The following MAGI2 variants were observed in gnomAD, a reference collection of about 807,000 sequenced individuals.
The protein encoded by MAGI2 is membrane associated guanylate kinase, WW and PDZ domain containing 2, also known as membrane-associated guanylate kinase, WW and PDZ domain-containing protein 2.
A neutral mutation model predicts 133.3 loss-of-function variants in MAGI2; 35 were observed. That is an observed-to-expected ratio of 0.26 (90% confidence interval 0.20 to 0.35). The LOEUF (loss-of-function observed/expected upper bound fraction) is 0.35, where lower values mean the gene tolerates loss of function less well. Ranked by LOEUF, MAGI2 falls within the 10% of genes least tolerant of loss-of-function variation. The pLI is 1.00. For synonymous variants in MAGI2, 729 were observed against 710.6 expected (o/e 1.03, Z -0.41); for missense variants, 1,636 against 1,863.4 (o/e 0.88, Z 2.25).
intron 6 of MAGI2, among the ~76,000 whole-genome samples, chr7:78,426,142 A>G (rs1374562346): frequency 6.6e-6 from 1 of 152,202 alleles, no homozygotes; most frequent in African/African-American, 2.4e-5. Context: ...AAGTTGTAAA[A>G]AGGAACAAAT....
intron 3 of MAGI2, among the ~76,000 whole-genome samples, chr7:78,558,361 G>A (rs1800040928): frequency 6.6e-6 from 1 of 152,140 alleles, no homozygotes; most frequent in Non-Finnish European, 1.5e-5. Context: ...AGAAAGGAAA[G>A]TAAGAGTTTT....
chr7:79,042,110 G>A (rs989715813), intron 1 of MAGI2, among the ~76,000 whole-genome samples: 4 of 152,232 alleles, frequency 2.6e-5, no homozygotes, highest in Non-Finnish European at 2.9e-5. Flanking sequence ...CAAAGGACTT[G>A]CATTCACAAT....
intron 2 of MAGI2, among the ~76,000 whole-genome samples, chr7:78,767,892 A>G (rs777287842): frequency 2.0e-4 from 30 of 152,204 alleles, no homozygotes; most frequent in Non-Finnish European, 3.7e-4. Context: ...GCTCTCATTA[A>G]GAACTCATCG....
chr7:78,276,462 T>A (rs1795065905), intron 9 of MAGI2, among the ~76,000 whole-genome samples: 1 of 151,514 alleles, frequency 6.6e-6, no homozygotes, highest in South Asian at 2.1e-4. Flanking sequence ...GGTGGAATTT[T>A]ATTTTTTTTT....
At chr7:78,930,267 G>C (rs1382130787) in intron 2 of MAGI2, among the ~76,000 whole-genome samples, 1 of 151,996 alleles carries the variant, frequency 6.6e-6, no homozygotes, top group Non-Finnish European at 1.5e-5. Context: ...CACTGAAAAG[G>C]GTTAAGATAT....
intron 2 of MAGI2, among the ~76,000 whole-genome samples, chr7:78,838,586 T>A (rs1791860399): frequency 6.6e-6 from 1 of 151,840 alleles, no homozygotes; most frequent in Admixed American, 6.6e-5. Context: ...ACTGTCAGAA[T>A]AATAGGAAAT....
At chr7:79,389,957 A>G (rs1308201605) in intron 1 of MAGI2, among the ~76,000 whole-genome samples, 1 of 152,182 alleles carries the variant, frequency 6.6e-6, no homozygotes, top group East Asian at 1.9e-4. Flanking sequence ...CCAATTATAT[A>G]TGGGTGCTTT....
At chr7:78,653,258 C>T (rs145302597) in intron 2 of MAGI2, among the ~76,000 whole-genome samples, 1,747 of 152,214 alleles carry the variant, frequency 0.011, 42 homozygotes, top group African/African-American at 0.04. Flanking sequence ...CCAGAAGTAC[C>T]ATTTGACCCA....
At chr7:78,407,741 C>T (rs1860535) in intron 6 of MAGI2, among the ~76,000 whole-genome samples, 104,329 of 151,562 alleles carry the variant, frequency 0.69, 36,755 homozygotes, top group African/African-American at 0.81. Context: ...TTGACAAAAA[C>T]ACAAGAAAAG....
At position 79,320,027 on chromosome 7, in the gene MAGI2, CCTT is replaced by C. The variant is rs1398011837; in HGVS notation, c.301+132990_301+132992del. The stretch of plus-strand genomic sequence containing the variant: ...AGTAACAGAATTGATTGGTGTTTTT[CCTT>C]CTTTGTGCTACTGAGGAAATTCAGT... On this transcript the variant is annotated intron_variant, in intron 1 of 21. Transcript: ENST00000354212. Among the ~76,000 whole-genome samples the C allele has an allele frequency of 2.0e-5, 3 of 152,192 alleles. No homozygotes were observed. In the East Asian group the frequency reaches 5.8e-4, roughly 29 times the overall value.
intron 6 of MAGI2, among the ~76,000 whole-genome samples, chr7:78,383,608 A>G (rs1795119996): frequency 6.6e-6 from 1 of 151,948 alleles, no homozygotes; most frequent in Non-Finnish European, 1.5e-5. Flanking sequence ...TTAGTTTAAC[A>G]TAGTTCACTT....
intron 3 of MAGI2, among the ~76,000 whole-genome samples, chr7:78,619,244 T>C (rs1584866782): frequency 6.6e-6 from 1 of 151,930 alleles, no homozygotes; most frequent in East Asian, 1.9e-4. Context: ...TAAATCATTG[T>C]AATTAAAGAC....
chr7:78,270,360 A>T (rs1794446055), intron 9 of MAGI2, among the ~76,000 whole-genome samples: 1 of 152,166 alleles, frequency 6.6e-6, no homozygotes, highest in South Asian at 2.1e-4. Context: ...CTTGGGCAGT[A>T]TGGCCATTTT....
chr7:79,267,919 C>T (rs1255796325), intron 1 of MAGI2, among the ~76,000 whole-genome samples: 2 of 152,066 alleles, frequency 1.3e-5, no homozygotes, highest in African/African-American at 4.8e-5. Context: ...GTAAATGATT[C>T]TCTTTGGAAA....
chr7:78,666,943 AC>A (rs1053710047), intron 2 of MAGI2, among the ~76,000 whole-genome samples: 7 of 152,146 alleles, frequency 4.6e-5, no homozygotes, highest in African/African-American at 1.7e-4. Flanking sequence ...GATCAGTAAG[AC>A]CTACTATATA....
intron 10 of MAGI2, among the ~76,000 whole-genome samples, chr7:78,242,958 G>A (rs1791313475): frequency 6.6e-6 from 1 of 152,094 alleles, no homozygotes; most frequent in Admixed American, 6.5e-5. Flanking sequence ...TGTGGTCCCA[G>A]CTACTTGAAA....
At chr7:79,426,098 C>T (rs1226831482) in intron 1 of MAGI2, among the ~76,000 whole-genome samples, 1 of 152,080 alleles carries the variant, frequency 6.6e-6, no homozygotes, top group African/African-American at 2.4e-5. Context: ...TCATAAGAAA[C>T]AATGTTTTAG....
intron 3 of MAGI2, chr7:78,614,338 C>T (rs1302353249): frequency 2.0e-5 from 3 of 149,796 alleles, no homozygotes; most frequent in Admixed American, 1.3e-4. Context: ...TACTATCATG[C>T]TGAGGTTTCT....
At chr7:78,954,700 T>C (rs1266714251) in intron 2 of MAGI2, among the ~76,000 whole-genome samples, 2 of 152,202 alleles carry the variant, frequency 1.3e-5, no homozygotes, top group Non-Finnish European at 2.9e-5. Flanking sequence ...CTGCATAACA[T>C]TTAAAACATT....
Sources: gnomAD v4.1 joint callset for allele counts (sites outside exome capture counted in the v4.1 genomes callset) on GRCh38, gnomAD v4.1.1 for gene constraint, MANE v1.5 for transcripts, NCBI Gene and HGNC (gene_info 2026-07-23, HGNC 2026-07-21) for gene names.